SUSD1: variants seen among roughly 807,000 people sequenced by gnomAD.
SUSD1 encodes sushi domain containing 1, also known as sushi domain-containing protein 1.
A neutral mutation model predicts 86.9 loss-of-function variants in SUSD1; 65 were observed. The ratio of observed to expected loss-of-function variants is 0.75; its 90% CI spans 0.61 to 0.92. SUSD1 has a LOEUF of 0.92. SUSD1 is among the 40% of genes least tolerant of loss of function. The probability of loss-of-function intolerance (pLI) is 0.00; values close to 1 mark genes in which losing one functional copy is unlikely to be tolerated. For missense variants in SUSD1, 850 were observed against 929.7 expected (o/e 0.91, Z 1.11); for synonymous variants, 346 against 350.0 (o/e 0.99, Z 0.13).
intron 8 of SUSD1, chr9:112,104,704 T>C (rs1830764424): frequency 1.3e-5 from 2 of 152,202 alleles, no homozygotes; most frequent in Non-Finnish European, 1.5e-5. Context: ...TCCTTCATAC[T>C]GAGATCTGAC....
rs528118692 is a variant in SUSD1 at position 112,077,654 on chromosome 9, G to T, written c.1753+884C>A. ...CGAGTAGCTGGGATTACAGGCACCT[G>T]ACACCACACCCAGCTAATTTTTGTA... is the stretch of plus-strand genomic sequence containing the variant. On this transcript the variant is annotated intron_variant, in intron 12 of 16. Coordinates refer to ENST00000374270, the MANE Select transcript of SUSD1 (RefSeq NM_022486.5). Among the ~76,000 whole-genome samples, 68 of 151,568 alleles carry T rather than the reference G, an allele frequency of 4.5e-4. 1 individual carries two copies. The highest frequency in any genetic ancestry group is 1.6e-3 in the African/African-American group (67 of 41,328).
At chr9:112,059,887 G>C (rs1226666681) in intron 13 of SUSD1, among the ~76,000 whole-genome samples, 1 of 152,134 alleles carries the variant, frequency 6.6e-6, no homozygotes, top group Non-Finnish European at 1.5e-5. Context: ...CTGAACGACT[G>C]ACTTGTATTC....
At position 112,175,295 on chromosome 9, in the gene SUSD1, G is replaced by C; in HGVS notation, c.-60C>G. ...CCTCCCGGGGCCCTCAGGGTGCAGA[G>C]ATAAGGCTACAGGCGCCGCGGGGAG... is the stretch of plus-strand genomic sequence containing the variant. On this transcript the variant is annotated 5_prime_UTR_variant, in exon 1 of 17. It adds an upstream start codon to the 5' untranslated region. Coordinates refer to ENST00000374270, the MANE Select transcript of SUSD1 (RefSeq NM_022486.5). The surrounding 1 kb of genome is among the most constrained non-coding windows in gnomAD (Gnocchi z 4.7). The C allele has an allele frequency of 2.7e-6, 3 of 1,116,838 alleles. No individual in the cohort carries two copies. The highest frequency in any genetic ancestry group is 3.3e-6 in the Non-Finnish European group (3 of 914,016). The allele number at this position is 1,116,838 out of a possible 1,614,324, so 69.2% of individuals were successfully genotyped here.
chr9:112,130,762 G>A (rs867671656), intron 5 of SUSD1, among the ~76,000 whole-genome samples: 6 of 150,974 alleles, frequency 4.0e-5, no homozygotes, highest in South Asian at 2.1e-4. Flanking sequence ...GGTGGCTTAC[G>A]CCTGTAATCC....
Position 112,159,396 on chromosome 9 carries a change from G to A in SUSD1, c.104-1783C>T, listed in dbSNP as rs73538289. On this transcript the variant is annotated intron_variant, in intron 1 of 16. Coordinates refer to ENST00000374270, the MANE Select transcript of SUSD1 (RefSeq NM_022486.5). ...CACTCTAACCATGCTGCTGTTCTGC[G>A]TGTTTTTTAAAAAAATAAAAGACAA... Among the ~76,000 whole-genome samples the A allele has an allele frequency of 8.8e-3, 1,332 of 152,178 alleles. 16 individuals are homozygous for A. The highest frequency in any genetic ancestry group is 0.03 in the African/African-American group (1,247 of 41,514).
chr9:112,069,346 T>A (rs1829147709), intron 12 of SUSD1, among the ~76,000 whole-genome samples: 1 of 152,204 alleles, frequency 6.6e-6, no homozygotes, highest in East Asian at 1.9e-4. Flanking sequence ...GCTTAGAGTC[T>A]AGGCCTCACA....
Position 112,157,688 on chromosome 9 carries a change from C to T in SUSD1, c.104-75G>A, listed in dbSNP as rs116034967. ...ACATGTAGTTAGTGGACATTTACAA[C>T]GAAGAACCAAAATTTGAAGACCAAA... On this transcript the variant is annotated intron_variant, in intron 1 of 16. Transcript: ENST00000374270. The T allele has an allele frequency of 4.1e-4, 506 of 1,241,748 alleles. No individual in the cohort carries two copies. The African/African-American group carries it at 6.1e-3, about 15-fold the overall frequency. The allele number at this position is 1,241,748 out of a possible 1,614,324, so 76.9% of individuals were successfully genotyped here. A position where few individuals can be genotyped will look rare whatever the true frequency, so the allele number is the denominator to read the frequency against.
intron 3 of SUSD1, among the ~76,000 whole-genome samples, chr9:112,144,363 T>C (rs1270001053): frequency 6.6e-6 from 1 of 151,790 alleles, no homozygotes; most frequent in Non-Finnish European, 1.5e-5. Flanking sequence ...TCACTATAAA[T>C]ATATCCAATC....
At chr9:112,112,658 A>T (rs752762577) in intron 7 of SUSD1, 113 bp downstream of exon 7, 66 of 687,644 alleles carry the variant, frequency 9.6e-5, no homozygotes, top group Non-Finnish European at 1.4e-4. Context: ...AGAAAAAAAG[A>T]AAAAAAAACA....
rs760269306 is a variant in SUSD1 at position 112,157,462 on chromosome 9, A to C, written c.217+38T>G. On this transcript the variant is annotated intron_variant, in intron 2 of 16. Coordinates refer to ENST00000374270, the MANE Select transcript of SUSD1 (RefSeq NM_022486.5). The stretch of plus-strand genomic sequence containing the variant: ...TAATACAAGAGAATCTTGTTTCTCG[A>C]TTCAGCTTTTCAACTTAACCCAGAG... 3 of 1,431,196 alleles carry C rather than the reference A, an allele frequency of 2.1e-6. No homozygotes were observed. In the Admixed American group the frequency reaches 5.3e-5, roughly 25 times the overall value. 88.7% of individuals were successfully genotyped at this position (1,431,196 alleles called of 1,614,324 possible). A position where few individuals can be genotyped will look rare whatever the true frequency, so the allele number is the denominator to read the frequency against.
intron 5 of SUSD1, among the ~76,000 whole-genome samples, chr9:112,133,104 A>G (rs1832100198): frequency 6.6e-6 from 1 of 152,148 alleles, no homozygotes; most frequent in Admixed American, 6.5e-5. Context: ...ATGTTAAGAC[A>G]CTGTTTCTAC....
At chr9:112,116,513 G>C (rs1481117960) in intron 6 of SUSD1, among the ~76,000 whole-genome samples, 2 of 152,204 alleles carry the variant, frequency 1.3e-5, no homozygotes, top group Non-Finnish European at 2.9e-5. Context: ...GCTGTCCCAG[G>C]GCTCTTTCAT....
chr9:112,057,254 C>T (rs914029746), intron 14 of SUSD1, among the ~76,000 whole-genome samples: 17 of 152,196 alleles, frequency 1.1e-4, no homozygotes, highest in Non-Finnish European at 2.2e-4. Context: ...CCAGCACAGA[C>T]TGTGAGAAAT....
chr9:112,070,288 T>C (rs1342748560), intron 12 of SUSD1, among the ~76,000 whole-genome samples: 1 of 152,206 alleles, frequency 6.6e-6, no homozygotes, highest in East Asian at 1.9e-4. Flanking sequence ...ATTACAGGCA[T>C]GAGCCACCAC....
intron 6 of SUSD1, among the ~76,000 whole-genome samples, chr9:112,115,953 C>T (rs1831307332): frequency 6.6e-6 from 1 of 152,044 alleles, no homozygotes; most frequent in African/African-American, 2.4e-5. Context: ...CCTGAACAAG[C>T]CCCAGATATT....
intron 5 of SUSD1, among the ~76,000 whole-genome samples, chr9:112,135,657 T>C (rs1313699475): frequency 6.6e-6 from 1 of 152,204 alleles, no homozygotes; most frequent in Non-Finnish European, 1.5e-5. Flanking sequence ...TAAGGTAAAG[T>C]AAAAACTGAA....
chr9:112,160,326 T>C (rs1035741867), intron 1 of SUSD1, among the ~76,000 whole-genome samples: 1 of 151,814 alleles, frequency 6.6e-6, no homozygotes, highest in Admixed American at 6.6e-5. Context: ...GGTGGATCAC[T>C]TGAGGTCAGG....
intron 10 of SUSD1, among the ~76,000 whole-genome samples, chr9:112,087,757 T>C (rs1262283611): frequency 6.6e-6 from 1 of 152,110 alleles, no homozygotes. Context: ...AACACATGTA[T>C]AATTAAATTA....
chr9:112,155,756 G>A (rs1295922890), intron 2 of SUSD1, among the ~76,000 whole-genome samples: 1 of 151,814 alleles, frequency 6.6e-6, no homozygotes, highest in East Asian at 1.9e-4. Context: ...GAGCCCAGGA[G>A]CTCAAGACCA....
Sources: gnomAD v4.1 joint callset for allele counts (sites outside exome capture counted in the v4.1 genomes callset) on GRCh38, gnomAD v4.1.1 for gene constraint, Gnocchi (gnomAD v3.1) non-coding constraint, MANE v1.5 for transcripts, NCBI Gene and HGNC (gene_info 2026-07-23, HGNC 2026-07-21) for gene names.